ZNF280D: variants seen among roughly 807,000 people sequenced by gnomAD.
The protein encoded by ZNF280D is zinc finger protein 280D, also known as suppressor of hairy wing homolog 4.
In ZNF280D, 39 loss-of-function variants were observed where a neutral mutation model predicts 94.7. That is an observed-to-expected ratio of 0.41 (90% CI 0.32 to 0.54). The LOEUF (loss-of-function observed/expected upper bound fraction) is 0.54, where lower values mean the gene tolerates loss of function less well. ZNF280D is among the 20% of genes least tolerant of loss of function. The pLI is 0.22. For synonymous variants in ZNF280D, 398 were observed against 377.6 expected, an observed-to-expected ratio of 1.05 and a Z score of -0.63; for missense variants, 1,090 against 1,149.3, an observed-to-expected ratio of 0.95 and a Z score of 0.75.
At chr15:56,638,506 G>A (rs2052461619) in intron 20 of ZNF280D, among the ~76,000 whole-genome samples, 1 of 152,054 alleles carries the variant, frequency 6.6e-6, no homozygotes, top group Non-Finnish European at 1.5e-5. Flanking sequence ...GTGAGGCTGG[G>A]TATTCTTCAT....
intron 13 of ZNF280D, among the ~76,000 whole-genome samples, chr15:56,675,240 C>G (rs957226416): frequency 1.3e-5 from 2 of 151,992 alleles, no homozygotes; most frequent in Non-Finnish European, 2.9e-5. Flanking sequence ...CTTCCCACAT[C>G]TCTATCTCAC....
intron 13 of ZNF280D, among the ~76,000 whole-genome samples, chr15:56,675,675 G>A (rs2055183471): frequency 1.3e-5 from 2 of 151,936 alleles, no homozygotes; most frequent in South Asian, 4.1e-4. Flanking sequence ...ATCCCAAATT[G>A]ATCTGGAAAT....
At chr15:56,641,346 A>G (rs920094920) in intron 20 of ZNF280D, among the ~76,000 whole-genome samples, 3 of 151,954 alleles carry the variant, frequency 2.0e-5, no homozygotes, top group Non-Finnish European at 4.4e-5. Context: ...AAATATCCAT[A>G]CAGATAATCT....
chr15:56,663,697 T>C (rs1021963604), intron 16 of ZNF280D, among the ~76,000 whole-genome samples: 7 of 152,176 alleles, frequency 4.6e-5, no homozygotes, highest in African/African-American at 7.2e-5. Context: ...TTCTTGTATA[T>C]TGCAAACTAA....
chr15:56,720,904 G>A (rs1371628706), intron 1 of ZNF280D, among the ~76,000 whole-genome samples: 1 of 145,736 alleles, frequency 6.9e-6, no homozygotes, highest in Admixed American at 7.2e-5. Flanking sequence ...TAAACCAGAT[G>A]TGCTGTCATC....
At chr15:56,723,845 T>C (rs1030759204) in intron 1 of ZNF280D, among the ~76,000 whole-genome samples, 6 of 113,488 alleles carry the variant, frequency 5.3e-5, no homozygotes, top group Non-Finnish European at 1.1e-4. Context: ...CATCATTAGC[T>C]GAAAATATCG....
At chr15:56,639,017 A>C (rs77723502) in intron 20 of ZNF280D, among the ~76,000 whole-genome samples, 11,186 of 152,086 alleles carry the variant, frequency 0.074, 576 homozygotes, top group Non-Finnish European at 0.11. Context: ...AGGGGCTTGG[A>C]GACATCAGAT....
intron 7 of ZNF280D, among the ~76,000 whole-genome samples, chr15:56,690,853 A>G (rs2056384577): frequency 1.3e-5 from 2 of 152,202 alleles, no homozygotes; most frequent in South Asian, 4.1e-4. Context: ...AAAGTCAGAT[A>G]AGTTCAAATC....
At chr15:56,719,850 A>G (rs1284174202) in intron 1 of ZNF280D, among the ~76,000 whole-genome samples, 2 of 151,610 alleles carry the variant, frequency 1.3e-5, no homozygotes, top group Non-Finnish European at 2.9e-5. Flanking sequence ...TCTCTAAAAA[A>G]CAACATATAT....
Position 56,631,769 on chromosome 15 carries a change from T to C in ZNF280D, c.2669A>G (p.Asn890Ser), listed in dbSNP as rs149320162. 17 of 1,614,054 alleles carry C rather than the reference T, an allele frequency of 1.1e-5. No individual in the cohort carries two copies. The African/African-American group carries it at 1.5e-4, about 14-fold the overall frequency. The part of the protein sequence containing the change: ...NIKDLRLASD[N>S]VSIDQFLRKR... ...TCTCAAAAACTGATCAATGCTTACA[T>C]TATCTGATGCTAATCGCAAATCCTT... is the stretch of plus-strand genomic sequence containing the variant. The change falls in exon 22 of 22, where the codon AAT becomes AGT. Residue 890 changes from asparagine to serine, a missense_variant. Around this residue, in one of 3 missense-constraint regions of ZNF280D, gnomAD observed 577 missense variants for 568.8 expected, o/e 1.01. Coordinates refer to ENST00000267807, the MANE Select transcript of ZNF280D (RefSeq NM_017661.4).
In ZNF280D at chr15:56,701,119, C is replaced by G. The variant is rs1334026593; in HGVS notation, c.242-47G>C. 1.9e-6 allele frequency: 3 copies of G among 1,610,466 alleles called. No individual in the cohort carries two copies. In the African/African-American group the frequency reaches 4.0e-5, roughly 22 times the overall value. ...TATATGGAAATTATTTGTACATAAT[C>G]AATTTTGTCAAAATACTTCACTTTA... On this transcript the variant is annotated intron_variant, in intron 5 of 21. Transcript: ENST00000267807.
rs1227751079 is a variant in ZNF280D at position 56,666,549 on chromosome 15, T to TA, written c.1854-15dup. The TA allele has an allele frequency of 9.6e-6, 15 of 1,564,872 alleles. No individual in the cohort carries two copies. Among genetic ancestry groups the TA allele is most frequent in the Middle Eastern group, 1.7e-4 (1 of 5,922 alleles). On this transcript the variant is annotated splice_polypyrimidine_tract_variant and intron_variant, in intron 15 of 21. Coordinates refer to ENST00000267807, the MANE Select transcript of ZNF280D (RefSeq NM_017661.4). ...CCCCGACGATACCTTAGGGAGACAT[T>TA]AAAAAAATGATAAAAATATATTTTA... is the stretch of plus-strand genomic sequence containing the variant.
At chr15:56,637,864 T>A (rs1222277010) in intron 20 of ZNF280D, among the ~76,000 whole-genome samples, 1 of 152,064 alleles carries the variant, frequency 6.6e-6, no homozygotes, top group African/African-American at 2.4e-5. Context: ...CTTTATTAAA[T>A]CTCAATCTTT....
In ZNF280D at chr15:56,668,860, T is replaced by A. The variant is rs1277349440; in HGVS notation, c.1508A>T (p.Lys503Ile). The A allele has an allele frequency of 1.9e-6, 3 of 1,610,356 alleles. No individual in the cohort carries two copies. The Admixed American group carries it at 5.0e-5, about 27-fold the overall frequency. ...HKTQHHRTFI[K>I]PKQLEGLPPG... Reference sequence around the variant, plus strand: ...AGGCAATCCTTCTAGTTGTTTAGGTTTTATAAATGTTCGATGGTGTTGAGT... The same window carrying A: ...AGGCAATCCTTCTAGTTGTTTAGGTATTATAAATGTTCGATGGTGTTGAGT... The change falls in exon 14 of 22, where the codon AAA becomes ATA. Residue 503 changes from lysine to isoleucine, a missense_variant. Lys to Ile is a moderately radical substitution (Grantham distance 102). Around this residue, in one of 3 missense-constraint regions of ZNF280D, gnomAD observed 577 missense variants for 568.8 expected, o/e 1.01. Transcript: ENST00000267807.
At chr15:56,677,435 C>T in intron 12 of ZNF280D, 139 bp downstream of exon 12, 1 of 575,880 alleles carries the variant, frequency 1.7e-6, no homozygotes, top group Non-Finnish European at 3.2e-6. Context: ...ACCCAGCTTG[C>T]TGCCTATCCC....
intron 13 of ZNF280D, among the ~76,000 whole-genome samples, chr15:56,669,937 T>A (rs55748657): frequency 0.14 from 204 of 1,420 alleles, 39 homozygotes; most frequent in African/African-American, 0.19. Flanking sequence ...ATATATATAT[T>A]ATATATATAT....
intron 4 of ZNF280D, among the ~76,000 whole-genome samples, chr15:56,702,773 G>A (rs976520249): frequency 2.0e-5 from 3 of 151,970 alleles, no homozygotes; most frequent in Non-Finnish European, 4.4e-5. Flanking sequence ...TTGAAAATTC[G>A]ATTGGTGAAA....
chr15:56,697,766 A>G (rs1224134884), intron 6 of ZNF280D: 1 of 152,032 alleles, frequency 6.6e-6, no homozygotes, highest in Non-Finnish European at 1.5e-5. Flanking sequence ...ATTTTATAAT[A>G]TTTATTTATT....
At chr15:56,710,645 T>C (rs546312408) in intron 1 of ZNF280D, among the ~76,000 whole-genome samples, 2 of 152,038 alleles carry the variant, frequency 1.3e-5, no homozygotes, top group South Asian at 4.2e-4. Context: ...AATTAAACTG[T>C]ATCTTATTTT....
Sources: gnomAD v4.1 joint callset for allele counts (sites outside exome capture counted in the v4.1 genomes callset) on GRCh38, gnomAD v4.1.1 for gene constraint, gnomAD v4.1.1 regional missense constraint, MANE v1.5 for transcripts, NCBI Gene and HGNC (gene_info 2026-07-23, HGNC 2026-07-21) for gene names.